Variants in ABI3BP observed in about 807,000 individuals in gnomAD.
ABI3BP encodes the protein target of Nesh-SH3.
Under a neutral mutation model 268.6 loss-of-function variants are expected in ABI3BP, and 216 were observed. That is an observed-to-expected ratio of 0.80 (90% CI 0.72 to 0.90). The LOEUF is 0.90. ABI3BP is among the 40% of genes least tolerant of loss of function. ABI3BP has a pLI of 0.00. For missense variants in ABI3BP, 2,090 were observed against 2,182.4 expected (o/e 0.96, Z 0.84); for synonymous variants, 730 against 730.0 (o/e 1.00, Z 0.00).
intron 1 of ABI3BP, among the ~76,000 whole-genome samples, chr3:100,928,269 TAA>T (rs1561755457): frequency 6.6e-6 from 1 of 152,106 alleles, no homozygotes; most frequent in African/African-American, 2.4e-5. Flanking sequence ...ATTTAATATT[TAA>T]AAAATATTTT....
At chr3:100,793,708 AC>A (rs2097262351) in intron 54 of ABI3BP, among the ~76,000 whole-genome samples, 1 of 152,014 alleles carries the variant, frequency 6.6e-6, no homozygotes, top group African/African-American at 2.4e-5. Context: ...GTGATCAGTA[AC>A]TTTATTTCAG....
At chr3:100,850,199 T>C (rs922961707) in intron 16 of ABI3BP, 80 bp from the exon 17 acceptor site, 5 of 1,275,620 alleles carry the variant, frequency 3.9e-6, no homozygotes, top group African/African-American at 3.0e-5. Context: ...TGCTTTTAGA[T>C]GGTATAAAGC....
chr3:100,886,183 C>G lies in ABI3BP; in HGVS notation c.602G>C (p.Gly201Ala). Residue 201 changes from glycine to alanine, a missense_variant, in exon 5 of 68, where the codon GGA (glycine) becomes GCA (alanine). Physicochemically the swap from Gly to Ala is moderately conservative, Grantham distance 60 (BLOSUM62 0). Coordinates refer to ENST00000471714, the MANE Select transcript of ABI3BP (RefSeq NM_001375547.2). ...GTGATTGAAAATCTTACTCCAAATT[C>G]CACCTTCCACATTGTCTTTCACTCC... Reference protein sequence around the residue: ...EFGVKDNVEGGIWSKIFNHKT... With the variant: ...EFGVKDNVEGAIWSKIFNHKT... 1 of 1,602,310 alleles carries G rather than the reference C, an allele frequency of 6.2e-7. No homozygotes were observed. The highest frequency in any genetic ancestry group is 8.5e-7 in the Non-Finnish European group (1 of 1,174,500).
chr3:100,989,917 A>G (rs991813114), intron 1 of ABI3BP, among the ~76,000 whole-genome samples: 3 of 152,236 alleles, frequency 2.0e-5, no homozygotes, highest in Non-Finnish European at 4.4e-5. Context: ...GTATGGTCTA[A>G]TTCACCTCCT....
intron 1 of ABI3BP, among the ~76,000 whole-genome samples, chr3:100,988,483 GCTAC>G (rs1309447509): frequency 6.6e-6 from 1 of 152,130 alleles, no homozygotes; most frequent in African/African-American, 2.4e-5. Context: ...TGGGCCAGCA[GCTAC>G]CTTTGTTGAG....
chr3:100,876,825 CA>C (rs5851232), intron 6 of ABI3BP, among the ~76,000 whole-genome samples: 104,547 of 147,280 alleles, frequency 0.71, 37,382 homozygotes, highest in Non-Finnish European at 0.78. Context: ...ACTAAAAATA[CA>C]AAAAAAAAAA....
In ABI3BP at chr3:100,754,707, T is replaced by C. The variant is rs749763825; in HGVS notation, c.4851-16A>G. Reference sequence around the variant, plus strand: ...GAATTCATAACTGTTTAGGGGAAAATAAAAAAATACTTGTAATACATTCTT... The same window carrying C: ...GAATTCATAACTGTTTAGGGGAAAACAAAAAAATACTTGTAATACATTCTT... On this transcript the variant is annotated splice_polypyrimidine_tract_variant and intron_variant, in intron 63 of 67. Coordinates refer to ENST00000471714, the MANE Select transcript of ABI3BP (RefSeq NM_001375547.2). 9 of 1,560,484 alleles carry C rather than the reference T, an allele frequency of 5.8e-6. No individual in the cohort carries two copies. Among genetic ancestry groups the C allele is most frequent in the Non-Finnish European group, 7.0e-6 (8 of 1,149,420 alleles).
chr3:100,753,938 G>A (rs1403511495), intron 64 of ABI3BP, 90 bp from the exon 65 acceptor site: 3 of 1,316,198 alleles, frequency 2.3e-6, no homozygotes, highest in Non-Finnish European at 3.2e-6. Flanking sequence ...GCTTACACTT[G>A]TTAAGAAGTC....
chr3:100,835,722 T>C, intron 27 of ABI3BP, 62 bp from the exon 28 acceptor site: 3 of 1,285,750 alleles, frequency 2.3e-6, no homozygotes, highest in Non-Finnish European at 3.2e-6. Flanking sequence ...AAAGTTATTT[T>C]GAAAATGAAT....
intron 2 of ABI3BP, among the ~76,000 whole-genome samples, chr3:100,904,735 G>A (rs1237193700): frequency 1.3e-5 from 2 of 152,142 alleles, no homozygotes; most frequent in Non-Finnish European, 2.9e-5. Flanking sequence ...CAGTTACAAT[G>A]GCAATCATTA....
chr3:100,842,997 G>A (rs1328321266), intron 20 of ABI3BP, among the ~76,000 whole-genome samples: 1 of 152,164 alleles, frequency 6.6e-6, no homozygotes, highest in Non-Finnish European at 1.5e-5. Flanking sequence ...TATCAGGAAT[G>A]ATCTCTGATA....
intron 2 of ABI3BP, among the ~76,000 whole-genome samples, chr3:100,919,273 T>G (rs2059563513): frequency 6.6e-6 from 1 of 152,224 alleles, no homozygotes; most frequent in African/African-American, 2.4e-5. Context: ...TCACTTATGA[T>G]AGTTATATTT....
intron 42 of ABI3BP, 26 bp from the exon 43 acceptor site, chr3:100,816,794 C>T: frequency 6.5e-7 from 1 of 1,528,910 alleles, no homozygotes; most frequent in African/African-American, 1.4e-5. Context: ...TTGGATTACT[C>T]TAGTGCAGGT....
intron 14 of ABI3BP, among the ~76,000 whole-genome samples, chr3:100,853,993 C>A (rs2098903031): frequency 6.6e-6 from 1 of 152,072 alleles, no homozygotes; most frequent in Non-Finnish European, 1.5e-5. Flanking sequence ...GTTGTTTGGT[C>A]AGCTTTAAGC....
intron 49 of ABI3BP, among the ~76,000 whole-genome samples, chr3:100,809,428 T>C (rs963129087): frequency 5.3e-5 from 8 of 151,998 alleles, no homozygotes; most frequent in Admixed American, 1.3e-4. Flanking sequence ...ATAAAGCAAT[T>C]CCATGAAAAA....
Position 100,757,287 on chromosome 3 carries a change from G to A in ABI3BP, c.4851-2596C>T, listed in dbSNP as rs990568528. ...ACTGAAAGACAAGAGTTTCCAGATT[G>A]AAAAGACCTACTCTGCCCAGCAAAA... On this transcript the variant is annotated intron_variant, in intron 63 of 67. Transcript: ENST00000471714. Among the ~76,000 whole-genome samples the A allele has an allele frequency of 2.1e-4, 31 of 150,018 alleles. No individual in the cohort carries two copies. In the Admixed American group the frequency reaches 2.1e-3, roughly 10 times the overall value.
intron 51 of ABI3BP, among the ~76,000 whole-genome samples, chr3:100,801,436 A>AAAG (rs1553868390): frequency 9.6e-5 from 14 of 145,374 alleles, no homozygotes; most frequent in Non-Finnish European, 1.4e-4. Context: ...AAAAAAAAAA[A>AAAG]AAAAGAAAAG....
chr3:100,917,024 T>C (rs1268794505), intron 2 of ABI3BP, among the ~76,000 whole-genome samples: 3 of 152,216 alleles, frequency 2.0e-5, no homozygotes, highest in Non-Finnish European at 4.4e-5. Context: ...GTTACTTTAC[T>C]AATAGGGTAG....
chr3:100,875,616 A>C (rs770428650), intron 7 of ABI3BP, 37 bp from the exon 8 acceptor site: 1 of 1,452,744 alleles, frequency 6.9e-7, no homozygotes. Flanking sequence ...AGGGGGTGGG[A>C]AATAGGAGGC....
Sources: gnomAD v4.1 joint callset for allele counts (sites outside exome capture counted in the v4.1 genomes callset) on GRCh38, gnomAD v4.1.1 for gene constraint, MANE v1.5 for transcripts, NCBI Gene and HGNC (gene_info 2026-07-23, HGNC 2026-07-21) for gene names.